The following ACMSD variants were observed in gnomAD, a reference collection of about 807,000 sequenced individuals.
ACMSD encodes 2-amino-3-carboxymuconate-6-semialdehyde decarboxylase.
In ACMSD, 37 loss-of-function variants were observed where a neutral mutation model predicts 45.9. That is an observed-to-expected ratio of 0.81 (90% CI 0.62 to 1.06). The LOEUF is 1.06. Ranked by LOEUF, ACMSD falls within the 50% of genes least tolerant of loss-of-function variation. ACMSD has a pLI of 0.00. For synonymous variants in ACMSD, 138 were observed against 148.8 expected (o/e 0.93, Z 0.53); for missense variants, 434 against 420.9 (o/e 1.03, Z -0.27).
In ACMSD at chr2:134,845,286, C is replaced by T. The variant is rs1686997769; in HGVS notation, c.102+9C>T. On this transcript the variant is annotated intron_variant, in intron 2 of 9. Transcript: ENST00000356140. ...TCCAACACCACAGCAAGGTGAGTTT[C>T]TTCCAAAGTATGAACATCAGTAGCA... 2 of 1,613,962 alleles carry T rather than the reference C, an allele frequency of 1.2e-6. No homozygotes were observed. The highest frequency in any genetic ancestry group is 2.7e-5 in the African/African-American group (2 of 74,922).
intron 8 of ACMSD, among the ~76,000 whole-genome samples, chr2:134,878,451 T>C (rs1688867632): frequency 6.6e-6 from 1 of 152,130 alleles, no homozygotes; most frequent in African/African-American, 2.4e-5. Flanking sequence ...CTCAGTCCCC[T>C]AAGTAGCTGG....
chr2:134,896,907 G>A (rs1271930632), intron 8 of ACMSD, among the ~76,000 whole-genome samples: 1 of 152,112 alleles, frequency 6.6e-6, no homozygotes, highest in Non-Finnish European at 1.5e-5. Flanking sequence ...GGCAATTCTG[G>A]AGACACAGAG....
At position 134,839,297 on chromosome 2, in the gene ACMSD, G is replaced by A. The variant is rs2156001; in HGVS notation, c.57+558G>A. 9.2e-5 allele frequency among the ~76,000 whole-genome samples: 14 copies of A among 152,216 alleles called. 1 individual carries two copies. In the South Asian group the frequency reaches 2.9e-3, roughly 32 times the overall value. On this transcript the variant is annotated intron_variant, in intron 1 of 9. Coordinates refer to ENST00000356140, the MANE Select transcript of ACMSD (RefSeq NM_138326.3). ...CTTTGTCCTGAAGAACTAGGAAGTA[G>A]GTACATCAAAAAACCCGAGAATAAA... is the stretch of plus-strand genomic sequence containing the variant.
rs544988698 is a variant in ACMSD at position 134,883,162 on chromosome 2, A to G, written c.849+10521A>G. On this transcript the variant is annotated intron_variant, in intron 8 of 9. Coordinates refer to ENST00000356140, the MANE Select transcript of ACMSD (RefSeq NM_138326.3). ...TTAATACAGTCTTTAGAAATGCCCT[A>G]CTAAAATGGAGATGTTGTCAAATGC... is the stretch of plus-strand genomic sequence containing the variant. Among the ~76,000 whole-genome samples, 5 of 152,298 alleles carry G rather than the reference A, an allele frequency of 3.3e-5. No homozygotes were observed. The East Asian group carries it at 9.7e-4, about 29-fold the overall frequency.
At chr2:134,897,243 T>C (rs1470079556) in intron 8 of ACMSD, among the ~76,000 whole-genome samples, 1 of 152,164 alleles carries the variant, frequency 6.6e-6, no homozygotes, top group Non-Finnish European at 1.5e-5. Context: ...ATACCATTCC[T>C]GAAATAGACT....
intron 4 of ACMSD, among the ~76,000 whole-genome samples, chr2:134,862,583 T>A (rs904549581): frequency 6.6e-6 from 1 of 152,202 alleles, no homozygotes; most frequent in African/African-American, 2.4e-5. Flanking sequence ...ATACTCACTC[T>A]CGTGATTTAA....
At chr2:134,862,270 C>G (rs1687883272) in intron 4 of ACMSD, among the ~76,000 whole-genome samples, 1 of 152,142 alleles carries the variant, frequency 6.6e-6, no homozygotes, top group African/African-American at 2.4e-5. Flanking sequence ...TGGTACTAGA[C>G]CAGCCTTAAT....
intron 2 of ACMSD, among the ~76,000 whole-genome samples, chr2:134,849,184 T>G (rs1330442751): frequency 6.6e-6 from 1 of 152,108 alleles, no homozygotes; most frequent in African/African-American, 2.4e-5. Context: ...CATTTCATTT[T>G]GTTTTAATAT....
At position 134,881,798 on chromosome 2, in the gene ACMSD, C is replaced by T. The variant is rs1233193260; in HGVS notation, c.849+9157C>T. ...AGGTCAGGAGTTCAAGACCAGCCTG[C>T]CCAACATGGTGAAACCCTGTCTCTA... On this transcript the variant is annotated intron_variant, in intron 8 of 9. Transcript: ENST00000356140. Among the ~76,000 whole-genome samples the T allele has an allele frequency of 2.0e-5, 3 of 151,852 alleles. No homozygotes were observed. In the East Asian group the frequency reaches 5.8e-4, roughly 29 times the overall value.
intron 8 of ACMSD, among the ~76,000 whole-genome samples, chr2:134,884,640 T>C (rs1198177838): frequency 6.6e-6 from 1 of 152,172 alleles, no homozygotes; most frequent in Non-Finnish European, 1.5e-5. Context: ...TTGCCACAGA[T>C]GTAAGTAGAC....
intron 6 of ACMSD, among the ~76,000 whole-genome samples, chr2:134,870,199 T>C (rs1283712631): frequency 6.6e-6 from 1 of 152,218 alleles, no homozygotes; most frequent in Non-Finnish European, 1.5e-5. Context: ...CAATGTAGCT[T>C]GGACTGGCTC....
At chr2:134,871,375 T>A (rs766246394) in intron 7 of ACMSD, among the ~76,000 whole-genome samples, 1 of 152,162 alleles carries the variant, frequency 6.6e-6, no homozygotes, top group Non-Finnish European at 1.5e-5. Flanking sequence ...CCAAGCACAG[T>A]CACATTTGGC....
chr2:134,895,433 T>A (rs1210290146), intron 8 of ACMSD, among the ~76,000 whole-genome samples: 2 of 149,874 alleles, frequency 1.3e-5, no homozygotes, highest in Admixed American at 1.3e-4. Context: ...CCATGTTCAT[T>A]GATTCAAAAA....
chr2:134,859,240 A>C (rs897981429), intron 2 of ACMSD, 21 bp from the exon 3 acceptor site: 1 of 1,609,268 alleles, frequency 6.2e-7, no homozygotes, highest in Non-Finnish European at 8.5e-7. Flanking sequence ...GCATTTTAGT[A>C]ATGTGGGTTT....
intron 6 of ACMSD, among the ~76,000 whole-genome samples, chr2:134,868,456 T>TTC (rs1553512821): frequency 6.7e-6 from 1 of 148,752 alleles, no homozygotes; most frequent in African/African-American, 2.5e-5. Flanking sequence ...TTTTTCTTTT[T>TTC]TTTTTTTTTT....
intron 2 of ACMSD, among the ~76,000 whole-genome samples, chr2:134,845,910 G>C (rs187431128): frequency 6.6e-6 from 1 of 152,272 alleles, no homozygotes; most frequent in East Asian, 1.9e-4. Flanking sequence ...GAATATTCTT[G>C]AGCTTCCAGC....
At chr2:134,847,378 A>G (rs1364684371) in intron 2 of ACMSD, among the ~76,000 whole-genome samples, 1 of 151,420 alleles carries the variant, frequency 6.6e-6, no homozygotes, top group East Asian at 1.9e-4. Flanking sequence ...GGGAACCACT[A>G]AAGAGTTTTT....
chr2:134,901,016 T>C (rs1204821772), intron 9 of ACMSD, among the ~76,000 whole-genome samples: 1 of 152,190 alleles, frequency 6.6e-6, no homozygotes. Context: ...TAAGTATGTA[T>C]TGGGGAAGAA....
At chr2:134,840,167 C>CA (rs1158518481) in intron 1 of ACMSD, among the ~76,000 whole-genome samples, 837 of 23,394 alleles carry the variant, frequency 0.036, 81 homozygotes, top group East Asian at 0.058. Context: ...CTATACCTAG[C>CA]AAAAAAAAAA....
Sources: allele counts gnomAD v4.1 joint callset (sites outside exome capture counted in the v4.1 genomes callset), GRCh38; gene constraint gnomAD v4.1.1; transcripts MANE v1.5; gene names NCBI Gene and HGNC (gene_info 2026-07-23, HGNC 2026-07-21).